The following BDP1 variants were observed in gnomAD, a reference collection of about 807,000 sequenced individuals.
BDP1 encodes transcription factor TFIIIB component B'' homolog.
A neutral mutation model predicts 266.6 loss-of-function variants in BDP1; 169 were observed. The ratio of observed to expected loss-of-function variants is 0.63; its 90% confidence interval spans 0.56 to 0.72. The LOEUF (loss-of-function observed/expected upper bound fraction) is 0.72. Among genes scored for constraint, BDP1 ranks in the 30% least tolerant of loss-of-function variants. The pLI, the probability that BDP1 is intolerant of heterozygous loss-of-function variation, is 0.00. For missense variants in BDP1, 3,015 were observed against 3,053.8 expected, an observed-to-expected ratio of 0.99 and a Z score of 0.30; for synonymous variants, 1,090 against 1,022.4, an observed-to-expected ratio of 1.07 and a Z score of -1.26.
Position 71,524,780 on chromosome 5 carries a change from G to A in BDP1, c.5772+457G>A, listed in dbSNP as rs1400717374. 3.3e-5 allele frequency among the ~76,000 whole-genome samples: 5 copies of A among 149,642 alleles called. No homozygotes were observed. The East Asian group carries it at 7.8e-4, about 23-fold the overall frequency. ...GGTTTTCCTAGGCAGAGGACCCTGC[G>A]GCCTTCCGCAGTGTTTGTGTCCCTG... On this transcript the variant is annotated intron_variant, in intron 25 of 38. Coordinates refer to ENST00000358731, the MANE Select transcript of BDP1 (RefSeq NM_018429.3).
rs1372587493 is a variant in BDP1, at chr5:71,566,046, TATAAC to T, written c.*1162_*1166del. On this transcript the variant is annotated 3_prime_UTR_variant, in exon 39 of 39. Transcript: ENST00000358731. ...TTAATTTTAAAGATATTTAAAATGA[TATAAC>T]TAAAAATGTTTAGCTGGTGTATATG... The T allele has an allele frequency of 2.3e-5, 5 of 213,454 alleles. No individual in the cohort carries two copies. Among genetic ancestry groups the T allele is most frequent in the African/African-American group, 1.2e-4 (5 of 42,352 alleles). The allele number at this position is 213,454 out of a possible 1,614,324, so 13.2% of individuals were successfully genotyped here. A position where few individuals can be genotyped will look rare whatever the true frequency, so the allele number is the denominator to read the frequency against.
intron 7 of BDP1, among the ~76,000 whole-genome samples, chr5:71,483,196 C>T (rs566262049): frequency 1.3e-5 from 2 of 151,524 alleles, no homozygotes; most frequent in Non-Finnish European, 2.9e-5. Flanking sequence ...TTTGTTTCCT[C>T]TCCTACGATG....
At chr5:71,543,212 G>A (rs1767076089) in intron 30 of BDP1, among the ~76,000 whole-genome samples, 1 of 152,204 alleles carries the variant, frequency 6.6e-6, no homozygotes, top group Non-Finnish European at 1.5e-5. Flanking sequence ...GCCTGGGGAG[G>A]TTGAGGTCGC....
Position 71,465,073 on chromosome 5 carries a change from G to A in BDP1, c.659+956G>A, listed in dbSNP as rs992613542. Among the ~76,000 whole-genome samples the A allele has an allele frequency of 9.9e-5, 15 of 151,582 alleles. 1 individual carries two copies. The highest frequency in any genetic ancestry group is 3.6e-4 in the African/African-American group (15 of 41,326). ...CATAGAGATAAGGTTTCACTATGTC[G>A]CCCAGGCTGGTGGTCTTGAACTTCT... On this transcript the variant is annotated intron_variant, in intron 4 of 38. Coordinates refer to ENST00000358731, the MANE Select transcript of BDP1 (RefSeq NM_018429.3).
At chr5:71,528,199 T>A (rs2150526597) in intron 25 of BDP1, among the ~76,000 whole-genome samples, 1 of 152,312 alleles carries the variant, frequency 6.6e-6, no homozygotes, top group Admixed American at 6.5e-5. Context: ...TCATTTTACA[T>A]CCCTATCAAC....
Position 71,539,056 on chromosome 5 carries a change from T to A in BDP1, c.5907T>A (p.Ser1969Arg), listed in dbSNP as rs1225593897. 1 of 1,603,896 alleles carries A rather than the reference T, an allele frequency of 6.2e-7. No homozygotes were observed. Among genetic ancestry groups the A allele is most frequent in the Non-Finnish European group, 8.5e-7 (1 of 1,173,432 alleles). The part of the protein sequence containing the change: ...NLSVPFEMTT[S>R]EHIQDEPGTN... ...TTCCTTTTTAGGAAATGACCACAAG[T>A]GAACATATCCAAGATGAACCAGGTA... The change falls in exon 27 of 39, where the codon AGT becomes AGA. Residue 1969 changes from serine to arginine, a missense_variant. Transcript: ENST00000358731.
chr5:71,546,384 C>T (rs1040759001), intron 32 of BDP1, among the ~76,000 whole-genome samples: 5 of 151,632 alleles, frequency 3.3e-5, no homozygotes, highest in Non-Finnish European at 7.4e-5. Flanking sequence ...TTTGGGAGGC[C>T]GAGGTGGGCA....
intron 34 of BDP1, among the ~76,000 whole-genome samples, chr5:71,552,904 G>A (rs547440381): frequency 1.2e-3 from 176 of 152,322 alleles, no homozygotes; most frequent in Non-Finnish European, 2.2e-3. Context: ...TATAAGCCCT[G>A]AAGTATGAAT....
rs1580210269 is a variant in BDP1 at position 71,553,053 on chromosome 5, A to T, written c.6996-63A>T. Reference sequence around the variant, plus strand: ...ATTGGAAGGATTTCTAGGATCCTTTAAAAAAAAAAGTGTTAAATAACTTCT... The same window carrying T: ...ATTGGAAGGATTTCTAGGATCCTTTTAAAAAAAAAGTGTTAAATAACTTCT... On this transcript the variant is annotated intron_variant, in intron 34 of 38. Transcript: ENST00000358731. 1.3e-5 allele frequency: 13 copies of T among 973,452 alleles called. No homozygotes were observed. The South Asian group carries it at 1.3e-4, about 10-fold the overall frequency. 60.3% of individuals were successfully genotyped at this position (973,452 alleles called of 1,614,324 possible). A position where few individuals can be genotyped will look rare whatever the true frequency, so the allele number is the denominator to read the frequency against.
chr5:71,574,510 T>C, the BDP1 span, among the ~76,000 whole-genome samples: 1 of 152,190 alleles, frequency 6.6e-6, no homozygotes, highest in African/African-American at 2.4e-5. Context: ...GGATTAGATC[T>C]ACCCGCTAGA....
chr5:71,485,729 C>G (rs1763225378), intron 8 of BDP1, among the ~76,000 whole-genome samples: 1 of 152,216 alleles, frequency 6.6e-6, no homozygotes, highest in South Asian at 2.1e-4. Context: ...ATTTAGTGGG[C>G]ATGTTCCTGA....
downstream of BDP1, among the ~76,000 whole-genome samples, chr5:71,569,806 T>A (rs961398978): frequency 6.7e-6 from 1 of 150,280 alleles, no homozygotes; most frequent in Non-Finnish European, 1.5e-5. Context: ...CATCTCCATT[T>A]AAAAAAAAAA....
intron 28 of BDP1, 83 bp from the exon 29 acceptor site, chr5:71,541,371 T>C (rs1766951177): frequency 3.3e-6 from 2 of 605,204 alleles, no homozygotes; most frequent in South Asian, 6.0e-5. Context: ...TACAGAATTT[T>C]ACAATTACTA....
rs1743735212 is a variant in BDP1 at position 71,562,383 on chromosome 5, C to A, written c.7606C>A (p.Pro2536Thr). The A allele has an allele frequency of 1.9e-6, 3 of 1,613,918 alleles. No individual in the cohort carries two copies. The highest frequency in any genetic ancestry group is 1.1e-5 in the South Asian group (1 of 91,080). The change falls in exon 38 of 39, where the codon CCT (proline) becomes ACT (threonine). Residue 2536 changes from proline (P) to threonine (T), a missense_variant. This residue lies in a region of BDP1 where 629 missense variants were observed against 632.5 expected (regional missense o/e 0.99). Transcript: ENST00000358731. ...HSKKRLKPLIPGLRKKLKRSN... is the reference protein window; with the variant it reads ...HSKKRLKPLITGLRKKLKRSN... ...TAAGAAACGCCTAAAACCTCTTATA[C>A]CTGGATTAAGAAAGAAATTGAAAAG... is the stretch of plus-strand genomic sequence containing the variant.
intron 2 of BDP1, among the ~76,000 whole-genome samples, chr5:71,460,337 G>A (rs1761470726): frequency 6.6e-6 from 1 of 152,184 alleles, no homozygotes; most frequent in African/African-American, 2.4e-5. Context: ...CCAAAATCGT[G>A]CCATTGCACT....
intron 7 of BDP1, among the ~76,000 whole-genome samples, chr5:71,483,224 G>A (rs544434466): frequency 2.6e-5 from 4 of 152,264 alleles, no homozygotes; most frequent in South Asian, 2.1e-4. Context: ...GTGATCAGAC[G>A]TCTTCAGACA....
intron 7 of BDP1, among the ~76,000 whole-genome samples, chr5:71,483,500 C>T (rs1763081559): frequency 1.3e-5 from 2 of 152,182 alleles, no homozygotes; most frequent in South Asian, 4.1e-4. Context: ...AGAGGTTTAA[C>T]CTGTTACGAA....
chr5:71,554,680 T>G (rs1743095443), intron 35 of BDP1, among the ~76,000 whole-genome samples: 1 of 152,208 alleles, frequency 6.6e-6, no homozygotes, highest in Non-Finnish European at 1.5e-5. Flanking sequence ...AGTTATACAG[T>G]GGTGTGAATA....
chr5:71,572,010 T>C (rs1335680175), downstream of BDP1, among the ~76,000 whole-genome samples: 3 of 152,304 alleles, frequency 2.0e-5, no homozygotes, highest in Middle Eastern at 6.8e-3. Context: ...CAAACTCACT[T>C]CTGTGCCTGC....
Sources: allele counts gnomAD v4.1 joint callset (sites outside exome capture counted in the v4.1 genomes callset), GRCh38; gene constraint gnomAD v4.1.1; regional missense constraint gnomAD v4.1.1; transcripts MANE v1.5; gene names NCBI Gene and HGNC (gene_info 2026-07-23, HGNC 2026-07-21).